The following CFHR4 variants were observed in gnomAD, a reference collection of about 807,000 sequenced individuals.
CFHR4 encodes complement factor H related 4.
CFHR4 carries 64 observed loss-of-function variants against 69.3 expected under a neutral mutation model. The ratio of observed to expected loss-of-function variants is 0.92; its 90% CI spans 0.76 to 1.14. CFHR4 has a LOEUF of 1.14. Among genes scored for constraint, CFHR4 ranks in the 50% most tolerant of loss-of-function variants. CFHR4 has a pLI of 0.00. For missense variants in CFHR4, 636 were observed against 684.9 expected, an observed-to-expected ratio of 0.93 and a Z score of 0.80; for synonymous variants, 244 against 237.0, an observed-to-expected ratio of 1.03 and a Z score of -0.27.
intron 7 of CFHR4, among the ~76,000 whole-genome samples, chr1:196,913,770 T>C (rs1371602702): frequency 6.6e-6 from 1 of 151,482 alleles, no homozygotes; most frequent in Non-Finnish European, 1.5e-5. Flanking sequence ...TGAGATAATA[T>C]GGAACCTTGA....
chr1:196,898,556 T>C (rs1289566004), intron 1 of CFHR4, among the ~76,000 whole-genome samples: 2 of 151,660 alleles, frequency 1.3e-5, no homozygotes, highest in Non-Finnish European at 2.9e-5. Flanking sequence ...TTCTCTATTC[T>C]TCCAATGTCC....
intron 5 of CFHR4, among the ~76,000 whole-genome samples, chr1:196,909,285 T>C (rs1392190037): frequency 1.3e-5 from 2 of 151,342 alleles, no homozygotes; most frequent in Non-Finnish European, 1.5e-5. Context: ...CTTTCAGTCT[T>C]AAAATCTAAA....
At chr1:196,911,133 T>C in intron 6 of CFHR4, among the ~76,000 whole-genome samples, 1 of 151,578 alleles carries the variant, frequency 6.6e-6, no homozygotes, top group Non-Finnish European at 1.5e-5. Flanking sequence ...CTGTCTAAGA[T>C]CTACACCTTT....
At position 196,888,109 on chromosome 1, in the gene CFHR4, A is replaced by T. The variant is rs1439201423; in HGVS notation, c.-42A>T. The T allele has an allele frequency of 6.3e-7, 1 of 1,589,964 alleles. No homozygotes were observed. The highest frequency in any genetic ancestry group is 1.4e-5 in the African/African-American group (1 of 73,384). ...AAAGATTTCAAACCCCAAACAGTGC[A>T]ACTGAAACTTTTGCATTACTATACT... On this transcript the variant is annotated 5_prime_UTR_variant, in exon 1 of 10. Transcript: ENST00000608469.
rs750969942 is a variant in CFHR4 at position 196,907,303 on chromosome 1, TA to T, written c.617-12del. ...CTGTTGATTTTTCCCCAATGTAAAG[TA>T]TTTTTTTTCAGATTCTTCAGAAAAC... On this transcript the variant is annotated splice_polypyrimidine_tract_variant and intron_variant, in intron 4 of 9. Transcript: ENST00000608469. 6 of 1,602,206 alleles carry T rather than the reference TA, an allele frequency of 3.7e-6. No homozygotes were observed. In the South Asian group the frequency reaches 6.6e-5, roughly 18 times the overall value.
chr1:196,908,596 C>A (rs1163632783), intron 5 of CFHR4, among the ~76,000 whole-genome samples: 1 of 151,218 alleles, frequency 6.6e-6, no homozygotes. Flanking sequence ...GAATTTTGTC[C>A]CACAAATCCT....
chr1:196,905,076 A>G, intron 2 of CFHR4, 32 bp from the exon 3 acceptor site: 3 of 1,531,170 alleles, frequency 2.0e-6, no homozygotes, highest in Non-Finnish European at 2.7e-6. Flanking sequence ...TTCAACAAAT[A>G]TTTACTTTTT....
chr1:196,911,022 G>A lies in CFHR4; in HGVS notation c.997+544G>A, dbSNP rs148980579. 4.5e-3 allele frequency among the ~76,000 whole-genome samples: 678 copies of A among 151,348 alleles called. 31 individuals carry two copies. Among genetic ancestry groups the A allele is most frequent in the Admixed American group, 0.041 (617 of 15,164 alleles). On this transcript the variant is annotated intron_variant, in intron 6 of 9. Coordinates refer to ENST00000608469, the MANE Select transcript of CFHR4 (RefSeq NM_001201550.3). ...ATATCCTGGCTACAGTCTTTCAAAT[G>A]TGCAGACCACAGTTCCATGTACAGA... is the stretch of plus-strand genomic sequence containing the variant.
chr1:196,893,969 T>A, intron 1 of CFHR4, among the ~76,000 whole-genome samples: 1 of 151,540 alleles, frequency 6.6e-6, no homozygotes, highest in Non-Finnish European at 1.5e-5. Context: ...TCTTAACAGC[T>A]GGGAAGATAA....
intron 6 of CFHR4, 67 bp from the exon 7 acceptor site, chr1:196,912,673 C>T (rs183651401): frequency 2.1e-6 from 3 of 1,442,116 alleles, no homozygotes; most frequent in Non-Finnish European, 2.8e-6. Context: ...CATGTTTTTA[C>T]TTGTTCCCTC....
intron 5 of CFHR4, among the ~76,000 whole-genome samples, chr1:196,908,291 G>T (rs755296269): frequency 6.6e-6 from 1 of 151,316 alleles, no homozygotes; most frequent in African/African-American, 2.4e-5. Context: ...CATGTACCCC[G>T]AACTTAAAGT....
In CFHR4 at chr1:196,918,084, A is replaced by C. The variant is rs542016431; in HGVS notation, c.1541-126A>C. ...CTAAAGTCAGTATGTAGCACAAATT[A>C]ATAACTATTAACTATTTGGATTATT... On this transcript the variant is annotated intron_variant, in intron 9 of 9. Coordinates refer to ENST00000608469, the MANE Select transcript of CFHR4 (RefSeq NM_001201550.3). 2.4e-4 allele frequency: 255 copies of C among 1,054,748 alleles called. 9 individuals carry two copies. In the South Asian group the frequency reaches 4.3e-3, roughly 18 times the overall value. 65.3% of individuals were successfully genotyped at this position (1,054,748 alleles called of 1,614,324 possible).
rs542049549 is a variant in CFHR4, at chr1:196,918,437, A to C, written c.*31A>C. 1.3e-6 allele frequency: 2 copies of C among 1,570,398 alleles called. No individual in the cohort carries two copies. Among genetic ancestry groups the C allele is most frequent in the Non-Finnish European group, 1.8e-6 (2 of 1,142,402 alleles). ...CATTGTTACCCTAAATGTATGTCCA[A>C]CTTCCACTTCTCACTCTTATGGTCT... On this transcript the variant is annotated 3_prime_UTR_variant, in exon 10 of 10. Transcript: ENST00000608469.
At chr1:196,907,577 G>A (rs537803099) in intron 5 of CFHR4, 79 bp downstream of exon 5, 6 of 1,202,822 alleles carry the variant, frequency 5.0e-6, no homozygotes, top group Non-Finnish European at 7.1e-6. Context: ...AAATTTTTAT[G>A]GGTTATTACC....
chr1:196,893,216 CA>C (rs1657123520), intron 1 of CFHR4, among the ~76,000 whole-genome samples: 1 of 151,554 alleles, frequency 6.6e-6, no homozygotes, highest in African/African-American at 2.4e-5. Context: ...AAGAAGCATG[CA>C]AAAAGATAGA....
intron 5 of CFHR4, 75 bp downstream of exon 5, chr1:196,907,573 T>G (rs1162388963): frequency 4.1e-6 from 5 of 1,224,600 alleles, no homozygotes; most frequent in East Asian, 2.5e-5. Flanking sequence ...ACTAAAATTT[T>G]TATGGGTTAT....
intron 1 of CFHR4, among the ~76,000 whole-genome samples, chr1:196,900,823 A>T (rs1328128764): frequency 6.6e-6 from 1 of 151,458 alleles, no homozygotes; most frequent in African/African-American, 2.4e-5. Flanking sequence ...GAGGCATTTT[A>T]AGCTCAACTT....
intron 4 of CFHR4, 23 bp from the exon 5 acceptor site, chr1:196,907,293 C>A: frequency 8.8e-6 from 14 of 1,589,022 alleles, no homozygotes; most frequent in Non-Finnish European, 1.0e-5. Context: ...GATTTTTCCC[C>A]AATGTAAAGT....
Position 196,888,211 on chromosome 1 carries a change from A to G in CFHR4, c.58+3A>G. On this transcript the variant is annotated splice_donor_region_variant and intron_variant, in intron 1 of 9. Coordinates refer to ENST00000608469, the MANE Select transcript of CFHR4 (RefSeq NM_001201550.3). ...GGTTTCCTGTGCTAATGGACAAGGT[A>G]AGTTGAAAGAGATCTAAACACTCAG... The G allele has an allele frequency of 6.2e-7, 1 of 1,610,748 alleles. No homozygotes were observed.
Sources: allele counts gnomAD v4.1 joint callset (sites outside exome capture counted in the v4.1 genomes callset), GRCh38; gene constraint gnomAD v4.1.1; transcripts MANE v1.5; gene names NCBI Gene and HGNC (gene_info 2026-07-23, HGNC 2026-07-21).